Variants in DGKI observed in about 807,000 individuals in gnomAD.
DGKI encodes the protein diacylglycerol kinase iota, also known as DAG kinase iota.
In DGKI, 55 loss-of-function variants were observed where a neutral mutation model predicts 147.5. That is an observed-to-expected ratio of 0.37 (90% confidence interval 0.30 to 0.47). The LOEUF (loss-of-function observed/expected upper bound fraction) is 0.47. Among genes scored for constraint, DGKI ranks in the 20% least tolerant of loss-of-function variants. The probability of loss-of-function intolerance (pLI) is 1.00; values close to 1 mark genes in which losing one functional copy is unlikely to be tolerated. For synonymous variants in DGKI, 469 were observed against 477.1 expected, an observed-to-expected ratio of 0.98 and a Z score of 0.22; for missense variants, 1,007 against 1,323.8, an observed-to-expected ratio of 0.76 and a Z score of 3.71.
intron 6 of DGKI, among the ~76,000 whole-genome samples, chr7:137,640,500 CACAG>C (rs1821585888): frequency 6.6e-6 from 1 of 152,146 alleles, no homozygotes; most frequent in Admixed American, 6.5e-5. Context: ...TGCACAAACA[CACAG>C]ACAGGCAAAT....
At chr7:137,800,551 G>T (rs1162511673) in intron 1 of DGKI, among the ~76,000 whole-genome samples, 1 of 152,096 alleles carries the variant, frequency 6.6e-6, no homozygotes, top group Non-Finnish European at 1.5e-5. Flanking sequence ...CAGATGCCAG[G>T]GCTATGCTTT....
chr7:137,467,454 C>T (rs1336676857), intron 24 of DGKI, among the ~76,000 whole-genome samples: 1 of 152,136 alleles, frequency 6.6e-6, no homozygotes, highest in East Asian at 1.9e-4. Context: ...GAAAAAGCTA[C>T]AGTTACGTAG....
At chr7:137,460,914 CAT>C (rs1814416464) in intron 27 of DGKI, among the ~76,000 whole-genome samples, 1 of 152,112 alleles carries the variant, frequency 6.6e-6, no homozygotes, top group African/African-American at 2.4e-5. Context: ...TTGATTAGAA[CAT>C]AGTTTATATA....
rs149287285 is a variant in DGKI, at chr7:137,579,788, A to G, written c.1643-1463T>C. ...TCAAAACACAATAAGCCTTAGCAAT[A>G]AACTATACAAAGATTAATGCTTGAC... On this transcript the variant is annotated intron_variant, in intron 15 of 32. Coordinates refer to ENST00000614521, the MANE Select transcript of DGKI (RefSeq NM_001321708.2). Among the ~76,000 whole-genome samples the G allele has an allele frequency of 4.6e-3, 695 of 152,266 alleles. 6 individuals are homozygous for G. Among genetic ancestry groups the G allele is most frequent in the African/African-American group, 0.016 (666 of 41,568 alleles).
At chr7:137,496,737 G>A (rs541939637) in intron 21 of DGKI, among the ~76,000 whole-genome samples, 34 of 152,198 alleles carry the variant, frequency 2.2e-4, no homozygotes, top group Middle Eastern at 6.8e-3. Context: ...TGGAATAACC[G>A]ACTAGTCATA....
At chr7:137,500,900 T>A (rs1295306782) in intron 21 of DGKI, among the ~76,000 whole-genome samples, 1 of 152,190 alleles carries the variant, frequency 6.6e-6, no homozygotes, top group Non-Finnish European at 1.5e-5. Context: ...CTTCCTAGTA[T>A]TTTGAAATAT....
chr7:137,755,884 TCTGAAAATTGAAA>T (rs1314528897), intron 1 of DGKI, among the ~76,000 whole-genome samples: 1 of 152,022 alleles, frequency 6.6e-6, no homozygotes, highest in Non-Finnish European at 1.5e-5. Flanking sequence ...ACTGCAAAAC[TCTGAAAATTGAAA>T]GAAAAAGACT....
rs570779840 is a variant in DGKI at position 137,496,368 on chromosome 7, A to C, written c.2249-8679T>G. On this transcript the variant is annotated intron_variant, in intron 21 of 32. Transcript: ENST00000614521. The stretch of plus-strand genomic sequence containing the variant: ...ATGGATAGGAAGAATCAATATCACC[A>C]AAATGGCCATACCTCCCAAAGCAAT... Among the ~76,000 whole-genome samples, 11 of 152,224 alleles carry C rather than the reference A, an allele frequency of 7.2e-5. No homozygotes were observed. The South Asian group carries it at 1.7e-3, about 23-fold the overall frequency.
rs531165377 is a variant in DGKI, at chr7:137,441,093, A to G, written c.2761+2984T>C. Among the ~76,000 whole-genome samples, 98 of 152,268 alleles carry G rather than the reference A, an allele frequency of 6.4e-4. 1 individual carries two copies. The highest frequency in any genetic ancestry group is 1.7e-3 in the East Asian group (9 of 5,176). ...CTTCCTCTTCTACTGCCTGGATGCT[A>G]GCGAATAATACTATGTTTGGGGTGC... On this transcript the variant is annotated intron_variant, in intron 28 of 32. Coordinates refer to ENST00000614521, the MANE Select transcript of DGKI (RefSeq NM_001321708.2).
chr7:137,495,404 CAA>C (rs36073500), intron 21 of DGKI, among the ~76,000 whole-genome samples: 11 of 108,190 alleles, frequency 1.0e-4, no homozygotes, highest in African/African-American at 1.5e-4. Context: ...AACTATTTAA[CAA>C]AAAAAAAAAA....
At chr7:137,643,937 T>G in intron 6 of DGKI, among the ~76,000 whole-genome samples, 1 of 152,232 alleles carries the variant, frequency 6.6e-6, no homozygotes, top group East Asian at 1.9e-4. Flanking sequence ...ATCCAGATTC[T>G]TACTACTCTT....
rs1160347163 is a variant in DGKI, at chr7:137,597,922, G to C, written c.1251-15C>G. The C allele has an allele frequency of 6.2e-6, 10 of 1,611,064 alleles. No homozygotes were observed. The highest frequency in any genetic ancestry group is 2.2e-5 in the South Asian group (2 of 90,570). ...ACAATTCAAGCCTGTAGAGGAAATA[G>C]AAGAAAAAGTAAACAAAAGAACATT... On this transcript the variant is annotated splice_polypyrimidine_tract_variant and intron_variant, in intron 11 of 32. Coordinates refer to ENST00000614521, the MANE Select transcript of DGKI (RefSeq NM_001321708.2).
At chr7:137,712,779 A>G (rs1462883846) in intron 1 of DGKI, among the ~76,000 whole-genome samples, 1 of 152,222 alleles carries the variant, frequency 6.6e-6, no homozygotes, top group African/African-American at 2.4e-5. Context: ...AGTTTGATGG[A>G]TGAGATAGGT....
chr7:137,519,161 G>A (rs1816878203), intron 21 of DGKI, among the ~76,000 whole-genome samples: 1 of 152,054 alleles, frequency 6.6e-6, no homozygotes, highest in East Asian at 1.9e-4. Context: ...GCCCCCCAGT[G>A]AGATGGGGCT....
At chr7:137,585,749 T>C (rs796806876) in intron 13 of DGKI, among the ~76,000 whole-genome samples, 9 of 152,246 alleles carry the variant, frequency 5.9e-5, no homozygotes, top group African/African-American at 1.9e-4. Flanking sequence ...AGGGATTGGA[T>C]TGACAATGCT....
At chr7:137,690,810 A>G (rs1823576032) in intron 1 of DGKI, among the ~76,000 whole-genome samples, 1 of 152,122 alleles carries the variant, frequency 6.6e-6, no homozygotes, top group Non-Finnish European at 1.5e-5. Context: ...AGGGAAGGGA[A>G]GAACGGTTAG....
chr7:137,522,020 C>T, intron 20 of DGKI, 54 bp from the exon 21 acceptor site: 2 of 1,325,710 alleles, frequency 1.5e-6, no homozygotes, highest in Non-Finnish European at 1.1e-6. Flanking sequence ...GAATTGGTAG[C>T]CATGCACCTG....
At chr7:137,769,510 C>T (rs1399970591) in intron 1 of DGKI, among the ~76,000 whole-genome samples, 1 of 152,002 alleles carries the variant, frequency 6.6e-6, no homozygotes, top group Non-Finnish European at 1.5e-5. Context: ...TTCTGCACAG[C>T]AAAAGAAACT....
At chr7:137,673,891 A>G (rs1822938197) in intron 3 of DGKI, among the ~76,000 whole-genome samples, 1 of 152,190 alleles carries the variant, frequency 6.6e-6, no homozygotes, top group Non-Finnish European at 1.5e-5. Context: ...AACAGTTTCT[A>G]TCTGGCTGTG....
Sources: allele counts gnomAD v4.1 joint callset (sites outside exome capture counted in the v4.1 genomes callset), GRCh38; gene constraint gnomAD v4.1.1; transcripts MANE v1.5; gene names NCBI Gene and HGNC (gene_info 2026-07-23, HGNC 2026-07-21).